The following ALKBH8 variants were observed in gnomAD, a reference collection of about 807,000 sequenced individuals.
ALKBH8 encodes the protein alkB homolog 8, tRNA methyltransferase, also known as tRNA (carboxymethyluridine(34)-5-O)-methyltransferase ALKBH8.
Under a neutral mutation model 59.8 loss-of-function variants are expected in ALKBH8, and 36 were observed. The observed-to-expected ratio is 0.60, with a 90% CI of 0.46 to 0.79. The LOEUF (loss-of-function observed/expected upper bound fraction) is 0.79. Among genes scored for constraint, ALKBH8 ranks in the 30% least tolerant of loss-of-function variants. The pLI is 0.00. For missense variants in ALKBH8, 768 were observed against 801.0 expected, an observed-to-expected ratio of 0.96 and a Z score of 0.50; for synonymous variants, 276 against 273.6, an observed-to-expected ratio of 1.01 and a Z score of -0.09.
intron 7 of ALKBH8, among the ~76,000 whole-genome samples, chr11:107,539,590 A>C (rs10890736): frequency 0.31 from 37,976 of 124,440 alleles, 5,527 homozygotes; most frequent in South Asian, 0.49. Flanking sequence ...CAGAGCGAGA[A>C]TCCACCAAAA....
chr11:107,515,314 T>C (rs1862817868), intron 10 of ALKBH8, among the ~76,000 whole-genome samples: 1 of 152,328 alleles, frequency 6.6e-6, no homozygotes, highest in South Asian at 2.1e-4. Flanking sequence ...TTCTGTGTGC[T>C]GGGTGAAGAT....
At chr11:107,507,553 G>C (rs1862442192) in intron 11 of ALKBH8, among the ~76,000 whole-genome samples, 1 of 152,158 alleles carries the variant, frequency 6.6e-6, no homozygotes, top group Non-Finnish European at 1.5e-5. Context: ...CTCTTATTAT[G>C]TATAAGACAC....
chr11:107,560,674 A>T, intron 2 of ALKBH8, 91 bp downstream of exon 2: 1 of 1,256,296 alleles, frequency 8.0e-7, no homozygotes, highest in Non-Finnish European at 1.1e-6. Context: ...CTGAACAATT[A>T]CAGCCTTAGG....
At chr11:107,544,767 A>C (rs1021760623) in intron 7 of ALKBH8, among the ~76,000 whole-genome samples, 1 of 151,308 alleles carries the variant, frequency 6.6e-6, no homozygotes, top group African/African-American at 2.4e-5. Context: ...CATCTACATC[A>C]ATATACATAT....
intron 7 of ALKBH8, among the ~76,000 whole-genome samples, chr11:107,538,283 A>G (rs918782304): frequency 6.6e-6 from 1 of 152,146 alleles, no homozygotes; most frequent in Non-Finnish European, 1.5e-5. Flanking sequence ...TATGAAAATT[A>G]CATTTTTCCT....
At chr11:107,518,300 T>G (rs576290299) in intron 10 of ALKBH8, among the ~76,000 whole-genome samples, 42 of 152,316 alleles carry the variant, frequency 2.8e-4, no homozygotes, top group Admixed American at 2.4e-3. Flanking sequence ...TATGTATGTA[T>G]GTAGGTATTT....
chr11:107,562,279 C>G (rs1054137539), intron 1 of ALKBH8, among the ~76,000 whole-genome samples: 1 of 135,894 alleles, frequency 7.4e-6, no homozygotes, highest in African/African-American at 2.9e-5. Context: ...AGCCTGGCAA[C>G]AGAGTGAAAT....
At chr11:107,544,016 T>C (rs534227370) in intron 7 of ALKBH8, among the ~76,000 whole-genome samples, 157 of 152,346 alleles carry the variant, frequency 1.0e-3, no homozygotes, top group African/African-American at 3.7e-3. Flanking sequence ...ACATATCTTT[T>C]ATTATGACTA....
chr11:107,522,686 GA>G (rs1163007072), intron 9 of ALKBH8, 131 bp from the exon 10 acceptor site: 1 of 1,130,380 alleles, frequency 8.8e-7, no homozygotes, highest in African/African-American at 1.6e-5. Context: ...TCCGTTAAAA[GA>G]AAAAGTTCTT....
intron 2 of ALKBH8, 32 bp from the exon 3 acceptor site, chr11:107,557,035 G>A: frequency 2.1e-6 from 3 of 1,444,258 alleles, no homozygotes; most frequent in Non-Finnish European, 2.8e-6. Flanking sequence ...CAAAAAGAAA[G>A]TAACATGAGC....
chr11:107,529,510 TTC>T (rs1491465040), intron 8 of ALKBH8, among the ~76,000 whole-genome samples: 6,876 of 149,978 alleles, frequency 0.046, 326 homozygotes, highest in East Asian at 0.22. Context: ...CATCTCCTAC[TTC>T]TTTTTTTTTT....
chr11:107,553,736 G>C, intron 4 of ALKBH8, 111 bp downstream of exon 4: 1 of 1,172,054 alleles, frequency 8.5e-7, no homozygotes, highest in Non-Finnish European at 1.2e-6. Context: ...CATTGGATCC[G>C]GGCTAGTTTC....
chr11:107,507,596 TC>T (rs1371819216), intron 11 of ALKBH8, among the ~76,000 whole-genome samples: 2 of 152,208 alleles, frequency 1.3e-5, no homozygotes, highest in Non-Finnish European at 2.9e-5. Context: ...GTCTCATTTA[TC>T]CTGACAGGCC....
At chr11:107,536,260 C>A (rs899139356) in intron 7 of ALKBH8, among the ~76,000 whole-genome samples, 2 of 152,170 alleles carry the variant, frequency 1.3e-5, no homozygotes, top group Non-Finnish European at 2.9e-5. Flanking sequence ...CAGGGCATTG[C>A]CTGATTTATC....
At chr11:107,511,206 T>C (rs7112066) in intron 10 of ALKBH8, among the ~76,000 whole-genome samples, 170 bp from the exon 11 acceptor site, 6,643 of 152,244 alleles carry the variant, frequency 0.044, 492 homozygotes, top group African/African-American at 0.15. Context: ...TCAGAATATA[T>C]AATTGTACAG....
At chr11:107,512,304 T>G (rs75068326) in intron 10 of ALKBH8, among the ~76,000 whole-genome samples, 16 of 8,664 alleles carry the variant, frequency 1.8e-3, no homozygotes, top group South Asian at 5.5e-3. Flanking sequence ...ATTTTAAGGG[T>G]TTTTTTTTGT....
intron 8 of ALKBH8, among the ~76,000 whole-genome samples, chr11:107,528,911 A>T (rs1176505486): frequency 6.6e-6 from 1 of 152,206 alleles, no homozygotes; most frequent in African/African-American, 2.4e-5. Context: ...TTAAAAGTTA[A>T]GATAAGGAAT....
chr11:107,519,085 C>T (rs1314643868), intron 10 of ALKBH8, among the ~76,000 whole-genome samples: 2 of 152,038 alleles, frequency 1.3e-5, no homozygotes, highest in South Asian at 2.1e-4. Context: ...AGCCACTGTA[C>T]CCTGCTGGTT....
chr11:107,525,103 C>T lies in ALKBH8; in HGVS notation c.1030+338G>A, dbSNP rs183796868. Among the ~76,000 whole-genome samples, 165 of 152,258 alleles carry T rather than the reference C, an allele frequency of 1.1e-3. 1 individual carries two copies. The highest frequency in any genetic ancestry group is 2.0e-3 in the Non-Finnish European group (137 of 68,000). On this transcript the variant is annotated intron_variant, in intron 9 of 11. Transcript: ENST00000428149. Reference sequence around the variant, plus strand: ...TAATTTAGAAACTTGACAAACCATTCCCAACAATACCCGTTTTTAAACAAG... The same window carrying T: ...TAATTTAGAAACTTGACAAACCATTTCCAACAATACCCGTTTTTAAACAAG...
Sources: allele counts gnomAD v4.1 joint callset (sites outside exome capture counted in the v4.1 genomes callset), GRCh38; gene constraint gnomAD v4.1.1; transcripts MANE v1.5; gene names NCBI Gene and HGNC (gene_info 2026-07-23, HGNC 2026-07-21).